PCDH18: variants seen among roughly 807,000 people sequenced by gnomAD.
PCDH18 encodes the protein protocadherin 18.
PCDH18 carries 38 observed loss-of-function variants against 71.5 expected under a neutral mutation model. That is an observed-to-expected ratio of 0.53 (90% CI 0.41 to 0.70). The LOEUF is 0.70. Ranked by LOEUF, PCDH18 falls within the 30% of genes least tolerant of loss-of-function variation. PCDH18 has a pLI of 0.00. For synonymous variants in PCDH18, 565 were observed against 505.4 expected (o/e 1.12, Z -1.58); for missense variants, 1,334 against 1,384.6 (o/e 0.96, Z 0.58).
At chr4:137,527,807 G>A (rs1731522086) in intron 3 of PCDH18, among the ~76,000 whole-genome samples, 1 of 152,082 alleles carries the variant, frequency 6.6e-6, no homozygotes, top group African/African-American at 2.4e-5. Context: ...AGAATTAGAG[G>A]GAAGGAACTC....
chr4:137,522,908 A>C (rs1731341989), intron 3 of PCDH18, among the ~76,000 whole-genome samples: 1 of 152,176 alleles, frequency 6.6e-6, no homozygotes, highest in African/African-American at 2.4e-5. Context: ...AACATGGAGA[A>C]AATAATGTTG....
Position 137,521,245 on chromosome 4 carries a change from A to T in PCDH18, c.3192T>A (p.Asn1064Lys). 1 of 1,613,948 alleles carries T rather than the reference A, an allele frequency of 6.2e-7. No individual in the cohort carries two copies. Among genetic ancestry groups the T allele is most frequent in the Non-Finnish European group, 8.5e-7 (1 of 1,179,898 alleles). The change falls in exon 4 of 4, where the codon AAT becomes AAA. Residue 1064 changes from asparagine (N) to lysine (K), a missense_variant. By Grantham distance (94) the Asn-to-Lys change is moderately conservative. Transcript: ENST00000344876. ...AAWAASTHFQNPTTNCGPPLG... is the reference protein window; with the variant it reads ...AAWAASTHFQKPTTNCGPPLG... ...GTGGCGGCCCACAGTTGGTGGTGGG[A>T]TTTTGAAAATGCGTACTGGCTGCCC...
At chr4:137,529,524 C>T in intron 1 of PCDH18, 78 bp downstream of exon 1, 2 of 975,272 alleles carry the variant, frequency 2.1e-6, no homozygotes, top group Non-Finnish European at 3.1e-6. Flanking sequence ...TTAATGAAAA[C>T]ATTTAAGAAC....
rs950753154 is a variant in PCDH18, at chr4:137,519,407, T to G, written c.*1622A>C. 15 of 152,224 alleles carry G rather than the reference T, an allele frequency of 9.9e-5. No individual in the cohort carries two copies. The highest frequency in any genetic ancestry group is 2.0e-4 in the Admixed American group (3 of 15,286). 9.4% of individuals were successfully genotyped at this position (152,224 alleles called of 1,614,324 possible). On this transcript the variant is annotated 3_prime_UTR_variant, in exon 4 of 4. Transcript: ENST00000344876. ...AATGTCCTAAGAAAGTATTTTTTTT[T>G]GTTGTAATTTGAAAAATATTCAAGC...
chr4:137,526,146 C>G (rs182511845), intron 3 of PCDH18, among the ~76,000 whole-genome samples: 2 of 151,620 alleles, frequency 1.3e-5, no homozygotes, highest in African/African-American at 2.4e-5. Context: ...AGTAAAAGAA[C>G]TTTGACCTAA....
At position 137,526,213 on chromosome 4, in the gene PCDH18, T is replaced by A. The variant is rs141440895; in HGVS notation, c.2740+2265A>T. ...ACAATTTCAGAATTAAAAGGGACTT[T>A]AGGATCATTTAATCCCCAAAATACC... On this transcript the variant is annotated intron_variant, in intron 3 of 3. Transcript: ENST00000344876. 8.9e-4 allele frequency among the ~76,000 whole-genome samples: 135 copies of A among 152,110 alleles called. No individual in the cohort carries two copies. In the East Asian group the frequency reaches 0.015, roughly 17 times the overall value.
rs1019963175 is a variant in PCDH18, at chr4:137,529,412, A to G, written c.2487+190T>C. 36 of 472,254 alleles carry G rather than the reference A, an allele frequency of 7.6e-5. 1 individual carries two copies. The Admixed American group carries it at 1.0e-3, about 14-fold the overall frequency. 29.3% of individuals were successfully genotyped at this position (472,254 alleles called of 1,614,324 possible). A position where few individuals can be genotyped will look rare whatever the true frequency, so the allele number is the denominator to read the frequency against. On this transcript the variant is annotated intron_variant, in intron 1 of 3. Coordinates refer to ENST00000344876, the MANE Select transcript of PCDH18 (RefSeq NM_019035.5). ...ACATATTATATGAAGTTATTTACTT[A>G]AGGAAAACTAAAAACAGTATGCTAA...
intron 3 of PCDH18, among the ~76,000 whole-genome samples, chr4:137,523,294 A>G (rs1224206693): frequency 1.3e-5 from 2 of 152,040 alleles, no homozygotes; most frequent in Non-Finnish European, 1.5e-5. Flanking sequence ...GCTTTTTTAG[A>G]TTTCCTGACT....
Position 137,531,629 on chromosome 4 carries a change from TC to T in PCDH18, c.459del (p.Thr154LeufsTer46), listed in dbSNP as rs756039814. On this transcript the variant is annotated frameshift_variant, in exon 1 of 4. Transcript: ENST00000344876. LOFTEE classifies it high-confidence loss of function. ...AATGCACTGTCCAGGGGAATGCGAG[TC>T]CCAACTGCTGCACTCTCAGATATCT... Reference protein sequence around the residue: ...PIEISESAAVGTRIPLDSAFD... With the variant: ...PIEISESAAVXTRIPLDSAFD... 1 of 1,613,830 alleles carries T rather than the reference TC, an allele frequency of 6.2e-7. No individual in the cohort carries two copies.
chr4:137,529,701 G>C lies in PCDH18; in HGVS notation c.2388C>G (p.His796Gln), dbSNP rs766443056. Residue 796 changes from histidine (H) to glutamine (Q), a missense_variant, in exon 1 of 4, where the codon CAC (histidine) becomes CAG (glutamine). Around this residue, in one of 3 missense-constraint regions of PCDH18, gnomAD observed 1,011 missense variants for 1,048.0 expected, o/e 0.96. Transcript: ENST00000344876. Reference sequence around the variant, plus strand: ...AACTGTTGAGTGACTGGTGACTGTTGTGACTCTGCCGGCTGCCCATCTGCC... The same window carrying C: ...AACTGTTGAGTGACTGGTGACTGTTCTGACTCTGCCGGCTGCCCATCTGCC... ...ERGQMGSRQS[H>Q]NSHQSLNSLV... The C allele has an allele frequency of 7.4e-6, 12 of 1,613,930 alleles. No homozygotes were observed. In the South Asian group the frequency reaches 1.3e-4, roughly 18 times the overall value.
intron 3 of PCDH18, among the ~76,000 whole-genome samples, chr4:137,521,955 T>C (rs1416702265): frequency 1.3e-5 from 2 of 152,154 alleles, no homozygotes; most frequent in Non-Finnish European, 2.9e-5. Flanking sequence ...GCTACTTGAA[T>C]AATGATAAGA....
chr4:137,524,558 G>T (rs1338598992), intron 3 of PCDH18, among the ~76,000 whole-genome samples: 1 of 152,136 alleles, frequency 6.6e-6, no homozygotes, highest in Non-Finnish European at 1.5e-5. Flanking sequence ...AACTTTGAAA[G>T]ATGAATAGGA....
At chr4:137,522,262 G>T (rs1381722188) in intron 3 of PCDH18, among the ~76,000 whole-genome samples, 2 of 151,320 alleles carry the variant, frequency 1.3e-5, no homozygotes, top group Non-Finnish European at 3.0e-5. Context: ...CTCAGCTACT[G>T]GATGGCCATC....
chr4:137,530,505 A>G lies in PCDH18; in HGVS notation c.1584T>C (p.Tyr528=), dbSNP rs759154233. The G allele has an allele frequency of 1.2e-6, 2 of 1,613,894 alleles. No individual in the cohort carries two copies. Among genetic ancestry groups the G allele is most frequent in the Admixed American group, 1.7e-5 (1 of 59,996 alleles). The change falls in exon 1 of 4, where the codon TAT becomes TAC. Residue 528 remains tyrosine, a synonymous_variant. Transcript: ENST00000344876. The stretch of plus-strand genomic sequence containing the variant: ...CTTCATGATCAAAGATTCTGAGGGC[A>G]TAGATGGCTCCATTAGATGGGTCAA... ...VTIDPSNGAI[Y]ALRIFDHEEV...
chr4:137,531,518 C>G lies in PCDH18; in HGVS notation c.571G>C (p.Asp191His), dbSNP rs768597406. ...FFNIEVRTRT[D>H]GAKYAELIVV... ...ATGAGTTCTGCATACTTGGCTCCAT[C>G]AGTCCTGGTCCGAACCTCGATATTA... Residue 191 changes from aspartate (D) to histidine (H), a missense_variant, in exon 1 of 4, where the codon GAT (aspartate) becomes CAT (histidine). Transcript: ENST00000344876. 5.4e-5 allele frequency: 87 copies of G among 1,613,670 alleles called. No homozygotes were observed. The highest frequency in any genetic ancestry group is 7.2e-5 in the Non-Finnish European group (85 of 1,179,856).
Position 137,531,396 on chromosome 4 carries a change from T to C in PCDH18, c.693A>G (p.Ile231Met). ...TGGAGTCTGAAATGCTTATTTTTAG[T>C]ATGGATGAGCCAGACCTCTGAGGTA... ...MGVPQRSGSS[I>M]LKISISDSND... The change falls in exon 1 of 4, where the codon ATA becomes ATG. Residue 231 changes from isoleucine to methionine, a missense_variant. By Grantham distance (10) the Ile-to-Met change is conservative. Around this residue, in one of 3 missense-constraint regions of PCDH18, gnomAD observed 1,011 missense variants for 1,048.0 expected, o/e 0.96. Coordinates refer to ENST00000344876, the MANE Select transcript of PCDH18 (RefSeq NM_019035.5). 6.2e-7 allele frequency: 1 copy of C among 1,612,806 alleles called. No individual in the cohort carries two copies. The highest frequency in any genetic ancestry group is 8.5e-7 in the Non-Finnish European group (1 of 1,179,406).
rs2149210705 is a variant in PCDH18, at chr4:137,519,160, T to C, written c.*1869A>G. On this transcript the variant is annotated 3_prime_UTR_variant, in exon 4 of 4. Coordinates refer to ENST00000344876, the MANE Select transcript of PCDH18 (RefSeq NM_019035.5). ...AATATACTGAAATTTCACTTGTAATTGCAATCTCTCCTATAAAGGAAAATG... is the reference window on the plus strand; with the variant it reads ...AATATACTGAAATTTCACTTGTAATCGCAATCTCTCCTATAAAGGAAAATG... 1 of 152,306 alleles carries C rather than the reference T, an allele frequency of 6.6e-6. No homozygotes were observed. The highest frequency in any genetic ancestry group is 1.5e-5 in the Non-Finnish European group (1 of 68,016). The allele number at this position is 152,306 out of a possible 1,614,324, so 9.4% of individuals were successfully genotyped here. A position where few individuals can be genotyped will look rare whatever the true frequency, so the allele number is the denominator to read the frequency against.
rs1731597952 is a variant in PCDH18, at chr4:137,529,767, A to T, written c.2322T>A (p.His774Gln). The T allele has an allele frequency of 6.2e-7, 1 of 1,613,812 alleles. No homozygotes were observed. The highest frequency in any genetic ancestry group is 1.3e-5 in the African/African-American group (1 of 74,900). Reference protein sequence around the residue: ...TINGTLPIRSHHRSSPSSSPT... With the variant: ...TINGTLPIRSQHRSSPSSSPT... ...GAGATGAAGATGGAGACGATCTGTGATGAGATCTGATGGGCAGAGTGCCAT... is the reference window on the plus strand; with the variant it reads ...GAGATGAAGATGGAGACGATCTGTGTTGAGATCTGATGGGCAGAGTGCCAT... Residue 774 changes from histidine (H) to glutamine (Q), a missense_variant, in exon 1 of 4, where the codon CAT (histidine) becomes CAA (glutamine). Around this residue, in one of 3 missense-constraint regions of PCDH18, gnomAD observed 1,011 missense variants for 1,048.0 expected, o/e 0.96. Coordinates refer to ENST00000344876, the MANE Select transcript of PCDH18 (RefSeq NM_019035.5).
rs769723622 is a variant in PCDH18 at position 137,531,864 on chromosome 4, A to C, written c.225T>G (p.Pro75=). 1 of 1,614,056 alleles carries C rather than the reference A, an allele frequency of 6.2e-7. No individual in the cohort carries two copies. Among genetic ancestry groups the C allele is most frequent in the South Asian group, 1.1e-5 (1 of 91,062 alleles). The part of the protein sequence containing the change: ...RFRAMQRGNS[P]LLVVNEDNGE... ...CATTATCCTCGTTTACTACAAGTAG[A>C]GGAGAATTTCCCCTCTGCATGGCTC... The change falls in exon 1 of 4, where the codon CCT becomes CCG. Residue 75 remains proline, a synonymous_variant. Coordinates refer to ENST00000344876, the MANE Select transcript of PCDH18 (RefSeq NM_019035.5).
Sources: allele counts gnomAD v4.1 joint callset (sites outside exome capture counted in the v4.1 genomes callset), GRCh38; gene constraint gnomAD v4.1.1; regional missense constraint gnomAD v4.1.1; transcripts MANE v1.5; gene names NCBI Gene and HGNC (gene_info 2026-07-23, HGNC 2026-07-21).